RPS12: variants seen among roughly 807,000 people sequenced by gnomAD.
The protein encoded by RPS12 is ribosomal protein S12.
RPS12 carries 1 observed loss-of-function variant against 17.2 expected under a neutral mutation model. That is an observed-to-expected ratio of 0.06 (90% CI 0.02 to 0.28). RPS12 has a LOEUF of 0.28. Among genes scored for constraint, RPS12 ranks in the 10% least tolerant of loss-of-function variants. RPS12 has a pLI of 1.00. For missense variants in RPS12, 146 were observed against 162.1 expected (o/e 0.90, Z 0.54); for synonymous variants, 67 against 54.0 (o/e 1.24, Z -1.06).
intron 4 of RPS12, 31 bp from the exon 5 acceptor site, chr6:132,816,929 T>TC: frequency 9.5e-5 from 7 of 73,852 alleles, no homozygotes; most frequent in Non-Finnish European, 1.1e-4. Flanking sequence ...ATTAATGTGA[T>TC]TTTTTTTTTT....
Position 132,817,483 on chromosome 6 carries a change from T to TATGG in RPS12, c.341_344dup (p.Lys116TrpfsTer11). 6.2e-7 allele frequency: 1 copy of TATGG among 1,601,932 alleles called. No individual in the cohort carries two copies. Among genetic ancestry groups the TATGG allele is most frequent in the Non-Finnish European group, 8.5e-7 (1 of 1,171,118 alleles). On this transcript the variant is annotated frameshift_variant, in exon 6 of 6. Coordinates refer to ENST00000230050, the MANE Select transcript of RPS12 (RefSeq NM_001016.4). LOFTEE classifies it high-confidence loss of function. Reference sequence around the variant, plus strand: ...TGCGTGTTTTGTTTTTTTTAAGGACTATGGCAAGGAGTCTCAGGCCAAGGA... The same window carrying TATGG: ...TGCGTGTTTTGTTTTTTTTAAGGACTATGGATGGCAAGGAGTCTCAGGCCAAGGA...
Position 132,814,724 on chromosome 6 carries a change from T to C in RPS12, c.-37-8T>C, listed in dbSNP as rs1030390931. The C allele has an allele frequency of 6.8e-6, 11 of 1,607,358 alleles. No individual in the cohort carries two copies. The highest frequency in any genetic ancestry group is 8.5e-6 in the Non-Finnish European group (10 of 1,174,334). On this transcript the variant is annotated splice_polypyrimidine_tract_variant and splice_region_variant and intron_variant, in intron 1 of 5. Coordinates refer to ENST00000230050, the MANE Select transcript of RPS12 (RefSeq NM_001016.4). The stretch of plus-strand genomic sequence containing the variant: ...GTTCTTTAACAAGTCAATGCTTTTG[T>C]TTTTTAGTGCGTTCAAGATTCAACT...
rs775332988 is a variant in RPS12 at position 132,814,765 on chromosome 6, C to T, written c.-4C>T. 39 of 1,613,324 alleles carry T rather than the reference C, an allele frequency of 2.4e-5. No homozygotes were observed. Among genetic ancestry groups the T allele is most frequent in the South Asian group, 1.2e-4 (11 of 91,034 alleles). ...AGATTCAACTTCACCCGTAACCCACCGCCATGGCCGAGGAAGGGTGAGCCC... is the reference window on the plus strand; with the variant it reads ...AGATTCAACTTCACCCGTAACCCACTGCCATGGCCGAGGAAGGGTGAGCCC... On this transcript the variant is annotated 5_prime_UTR_variant, in exon 2 of 6. Coordinates refer to ENST00000230050, the MANE Select transcript of RPS12 (RefSeq NM_001016.4).
chr6:132,814,578 T>G lies in RPS12; in HGVS notation c.-73T>G. ...TGCGTGCGGATGAGGCCTCTTTCCC[T>G]GCCGCCGCCGAGTCGCGCGGAGGCG... On this transcript the variant is annotated 5_prime_UTR_variant, in exon 1 of 6. Coordinates refer to ENST00000230050, the MANE Select transcript of RPS12 (RefSeq NM_001016.4). 1.3e-6 allele frequency: 1 copy of G among 754,152 alleles called. No individual in the cohort carries two copies. The highest frequency in any genetic ancestry group is 2.3e-6 in the Non-Finnish European group (1 of 429,536). 46.7% of individuals were successfully genotyped at this position (754,152 alleles called of 1,614,324 possible).
intron 3 of RPS12, chr6:132,815,314 T>A: frequency 1.4e-6 from 1 of 716,128 alleles, no homozygotes; most frequent in Non-Finnish European, 2.6e-6. Context: ...AGTGTTTGAA[T>A]GATGACTTTA....
chr6:132,814,864 C>T (rs1385183623), intron 2 of RPS12, 82 bp downstream of exon 2: 2 of 1,458,972 alleles, frequency 1.4e-6, no homozygotes, highest in East Asian at 2.3e-5. Context: ...AGGACTGGGT[C>T]AAACGGGTCG....
In RPS12 at chr6:132,814,622, A is replaced by G. The variant is rs1161891163; in HGVS notation, c.-38+9A>G. On this transcript the variant is annotated intron_variant, in intron 1 of 5. Transcript: ENST00000230050. ...GGAGGCGGAGGCTTGGGGTAAGTTG[A>G]GCGAGGCGGCAGGGGGGTGTATTGG... The G allele has an allele frequency of 7.0e-6, 7 of 1,002,652 alleles. No homozygotes were observed. The East Asian group carries it at 1.7e-4, about 24-fold the overall frequency. The allele number at this position is 1,002,652 out of a possible 1,614,324, so 62.1% of individuals were successfully genotyped here. A position where few individuals can be genotyped will look rare whatever the true frequency, so the allele number is the denominator to read the frequency against.
intron 3 of RPS12, 21 bp from the exon 4 acceptor site, chr6:132,816,440 T>C (rs1428432746): frequency 6.3e-7 from 1 of 1,576,534 alleles, no homozygotes; most frequent in Admixed American, 1.7e-5. Context: ...AGCTCCATTT[T>C]CATTGTAATT....
Position 132,814,597 on chromosome 6 carries a change from G to C in RPS12, c.-54G>C. 2 of 820,008 alleles carry C rather than the reference G, an allele frequency of 2.4e-6. No homozygotes were observed. The highest frequency in any genetic ancestry group is 2.3e-4 in the Middle Eastern group (1 of 4,344). The allele number at this position is 820,008 out of a possible 1,614,324, so 50.8% of individuals were successfully genotyped here. A position where few individuals can be genotyped will look rare whatever the true frequency, so the allele number is the denominator to read the frequency against. ...TTTCCCTGCCGCCGCCGAGTCGCGC[G>C]GAGGCGGAGGCTTGGGGTAAGTTGA... On this transcript the variant is annotated 5_prime_UTR_variant, in exon 1 of 6. Transcript: ENST00000230050.
intron 5 of RPS12, 22 bp from the exon 6 acceptor site, chr6:132,817,458 T>C (rs1324635531): frequency 4.7e-6 from 7 of 1,483,930 alleles, no homozygotes; most frequent in East Asian, 4.5e-5. Context: ...AGAAATTGCA[T>C]GCGTGTTTTG....
chr6:132,815,981 G>A (rs764948066), intron 3 of RPS12: 4 of 444,384 alleles, frequency 9.0e-6, no homozygotes, highest in South Asian at 3.2e-5. Flanking sequence ...ACAGGCACAC[G>A]CCACCATGCC....
At position 132,814,632 on chromosome 6, in the gene RPS12, C is replaced by T. The variant is rs966694599; in HGVS notation, c.-38+19C>T. On this transcript the variant is annotated intron_variant, in intron 1 of 5. Transcript: ENST00000230050. ...GCTTGGGGTAAGTTGAGCGAGGCGG[C>T]AGGGGGGTGTATTGGTTATAATTTG... 1.0e-5 allele frequency: 11 copies of T among 1,061,798 alleles called. 1 individual carries two copies. Among genetic ancestry groups the T allele is most frequent in the East Asian group, 4.7e-5 (2 of 42,462 alleles). The allele number at this position is 1,061,798 out of a possible 1,614,324, so 65.8% of individuals were successfully genotyped here. A position where few individuals can be genotyped will look rare whatever the true frequency, so the allele number is the denominator to read the frequency against.
Position 132,815,106 on chromosome 6 carries a change from A to C in RPS12, c.131+18A>C. ...TTAGACAAGTACGTGTATCAGTCTC[A>C]ATACTGTGGGTTCTTGCAACCGGAA... On this transcript the variant is annotated intron_variant, in intron 3 of 5. Coordinates refer to ENST00000230050, the MANE Select transcript of RPS12 (RefSeq NM_001016.4). The C allele has an allele frequency of 1.3e-6, 2 of 1,491,834 alleles. No individual in the cohort carries two copies. The highest frequency in any genetic ancestry group is 1.9e-6 in the Non-Finnish European group (2 of 1,069,576). The allele number at this position is 1,491,834 out of a possible 1,614,324, so 92.4% of individuals were successfully genotyped here.
chr6:132,814,897 C>T (rs1304981463), intron 2 of RPS12, 75 bp from the exon 3 acceptor site: 1 of 1,413,378 alleles, frequency 7.1e-7, no homozygotes, highest in Non-Finnish European at 1.0e-6. Flanking sequence ...CTGTTGTACA[C>T]TTAGCTTTTG....
intron 3 of RPS12, 198 bp downstream of exon 3, chr6:132,815,286 A>T (rs1432963634): frequency 1.3e-6 from 1 of 741,010 alleles, no homozygotes; most frequent in Admixed American, 1.7e-5. Context: ...TGGAATGGGG[A>T]TAAGCACTCA....
Position 132,816,375 on chromosome 6 carries a change from A to G in RPS12, c.132-86A>G, listed in dbSNP as rs1782062432. The G allele has an allele frequency of 1.2e-5, 11 of 936,450 alleles. No homozygotes were observed. In the South Asian group the frequency reaches 1.4e-4, roughly 12 times the overall value. 58.0% of individuals were successfully genotyped at this position (936,450 alleles called of 1,614,324 possible). Reference sequence around the variant, plus strand: ...TGGCTGCTTATGTTTCGCAAGTGTTAGTGCAAAGATAACCCTCCTAAAATG... The same window carrying G: ...TGGCTGCTTATGTTTCGCAAGTGTTGGTGCAAAGATAACCCTCCTAAAATG... On this transcript the variant is annotated intron_variant, in intron 3 of 5. Coordinates refer to ENST00000230050, the MANE Select transcript of RPS12 (RefSeq NM_001016.4).
intron 2 of RPS12, 64 bp downstream of exon 2, chr6:132,814,846 G>A (rs1782006596): frequency 6.6e-7 from 1 of 1,511,062 alleles, no homozygotes; most frequent in Non-Finnish European, 9.2e-7. Flanking sequence ...GGCTAGAGCT[G>A]GCGGAACAGG....
At chr6:132,817,261 A>G (rs759075065) in intron 5 of RPS12, 200 bp downstream of exon 5, 2 of 772,840 alleles carry the variant, frequency 2.6e-6, no homozygotes, top group Admixed American at 3.4e-5. Flanking sequence ...GTTTGTGCAG[A>G]CATACTTTAA....
At chr6:132,814,807 G>T in intron 2 of RPS12, 25 bp downstream of exon 2, 1 of 1,608,118 alleles carries the variant, frequency 6.2e-7, no homozygotes, top group Non-Finnish European at 8.5e-7. Flanking sequence ...CGGGGTTGGA[G>T]TTGGGGTCGG....
Sources: gnomAD v4.1 joint callset for allele counts on GRCh38, gnomAD v4.1.1 for gene constraint, MANE v1.5 for transcripts, NCBI Gene and HGNC (gene_info 2026-07-23, HGNC 2026-07-21) for gene names.